Variants in CNIH3 observed in about 807,000 individuals in gnomAD.
The protein encoded by CNIH3 is cornichon family AMPA receptor auxiliary protein 3.
In CNIH3, 14 loss-of-function variants were observed where a neutral mutation model predicts 24.1. The ratio of observed to expected loss-of-function variants is 0.58; its 90% CI spans 0.38 to 0.91. The LOEUF (loss-of-function observed/expected upper bound fraction) is 0.91, where lower values mean the gene tolerates loss of function less well. CNIH3 is among the 40% of genes least tolerant of loss of function. The pLI is 0.00. For synonymous variants in CNIH3, 68 were observed against 73.8 expected (o/e 0.92, Z 0.40); for missense variants, 178 against 196.8 (o/e 0.90, Z 0.57).
chr1:224,690,438 T>C (rs1686875441), intron 3 of CNIH3, among the ~76,000 whole-genome samples: 1 of 152,154 alleles, frequency 6.6e-6, no homozygotes, highest in Non-Finnish European at 1.5e-5. Context: ...TGACCTCAGG[T>C]GATCCAGTCT....
At chr1:224,635,301 T>C (rs1684035774) in intron 1 of CNIH3, among the ~76,000 whole-genome samples, 1 of 152,020 alleles carries the variant, frequency 6.6e-6, no homozygotes, top group African/African-American at 2.4e-5. Context: ...CCACGACACT[T>C]GGGGATTACT....
downstream of CNIH3, among the ~76,000 whole-genome samples, chr1:224,539,559 C>T (rs1679431865): frequency 6.6e-6 from 1 of 152,196 alleles, no homozygotes; most frequent in South Asian, 2.1e-4. Flanking sequence ...ATACGTGGTT[C>T]AGTTCCAGGC....
intron 2 of CNIH3, among the ~76,000 whole-genome samples, chr1:224,681,458 C>T (rs145379498): frequency 1.1e-4 from 16 of 152,276 alleles, no homozygotes; most frequent in East Asian, 3.9e-4. Context: ...AAGTCCCTGG[C>T]GCCATCCATC....
chr1:224,613,319 A>T (rs1682787495), upstream of CNIH3, among the ~76,000 whole-genome samples: 1 of 152,164 alleles, frequency 6.6e-6, no homozygotes, highest in African/African-American at 2.4e-5. Context: ...TTCTTTAATG[A>T]CAATTTATAC....
rs530386332 is a variant in CNIH3, at chr1:224,731,280, TA to T, written c.311+716del. Among the ~76,000 whole-genome samples the T allele has an allele frequency of 6.4e-3, 950 of 147,700 alleles. 3 individuals carry two copies. The highest frequency in any genetic ancestry group is 0.029 in the South Asian group (135 of 4,648). On this transcript the variant is annotated intron_variant, in intron 4 of 5. Coordinates refer to ENST00000272133, the MANE Select transcript of CNIH3 (RefSeq NM_152495.2). Reference sequence around the variant, plus strand: ...TTATGGTATGTAAATTATATCTTAATAAAAAAAAAAGCACCTACCAGATGGG... The same window carrying T: ...TTATGGTATGTAAATTATATCTTAATAAAAAAAAAGCACCTACCAGATGGG...
At chr1:224,570,114 AT>A (rs1233369850) in intron 4 of CNIH3, among the ~76,000 whole-genome samples, 2 of 152,132 alleles carry the variant, frequency 1.3e-5, no homozygotes, top group Admixed American at 1.3e-4. Flanking sequence ...ATGGATACTT[AT>A]GTTTCTTCTA....
intron 3 of CNIH3, among the ~76,000 whole-genome samples, chr1:224,721,227 G>A (rs1246250434): frequency 6.6e-6 from 1 of 152,138 alleles, no homozygotes; most frequent in African/African-American, 2.4e-5. Flanking sequence ...TTTGCTGAAT[G>A]AGTGTGAAAA....
intron 3 of CNIH3, among the ~76,000 whole-genome samples, chr1:224,556,000 C>G (rs112718924): frequency 6.6e-6 from 1 of 152,090 alleles, no homozygotes; most frequent in Admixed American, 6.6e-5. Context: ...TTTTTACAGG[C>G]GGAGCTGAGT....
intron 1 of CNIH3, among the ~76,000 whole-genome samples, chr1:224,657,611 A>G (rs963887275): frequency 6.6e-6 from 1 of 152,210 alleles, no homozygotes; most frequent in East Asian, 1.9e-4. Flanking sequence ...CAGTCCATGC[A>G]ATTAGTCCTG....
intron 3 of CNIH3, among the ~76,000 whole-genome samples, chr1:224,607,663 AGTAAGTGG>A (rs1682490571): frequency 6.6e-6 from 1 of 152,190 alleles, no homozygotes; most frequent in Non-Finnish European, 1.5e-5. Flanking sequence ...TACCTGTAAA[AGTAAGTGG>A]TTAATTTGCA....
intron 3 of CNIH3, among the ~76,000 whole-genome samples, chr1:224,709,966 G>C (rs1254278571): frequency 6.6e-6 from 1 of 152,142 alleles, no homozygotes; most frequent in Admixed American, 6.5e-5. Flanking sequence ...ATTAGGCATA[G>C]TAAGAGATTA....
At chr1:224,544,576 G>A (rs1572448056) in intron 2 of CNIH3, among the ~76,000 whole-genome samples, 3 of 152,104 alleles carry the variant, frequency 2.0e-5, no homozygotes, top group African/African-American at 4.8e-5. Flanking sequence ...AAAGAGGAAG[G>A]CAAAATGACT....
At chr1:224,675,010 C>G (rs985052283) in intron 1 of CNIH3, among the ~76,000 whole-genome samples, 1 of 152,150 alleles carries the variant, frequency 6.6e-6, no homozygotes, top group Non-Finnish European at 1.5e-5. Context: ...ATCTGGCTTT[C>G]AAGGACCTCA....
At chr1:224,434,985 A>G (rs1572230810) in intron 1 of CNIH3, 2 of 985,318 alleles carry the variant, frequency 2.0e-6, no homozygotes, top group African/African-American at 1.7e-5. Flanking sequence ...CCCGACTCCT[A>G]TCCGATCCTA....
chr1:224,504,539 C>T (rs1338365261), intron 1 of CNIH3, among the ~76,000 whole-genome samples: 1 of 151,976 alleles, frequency 6.6e-6, no homozygotes, highest in Non-Finnish European at 1.5e-5. Context: ...ACCCCCTCCC[C>T]TCCCCTCTCC....
intron 2 of CNIH3, among the ~76,000 whole-genome samples, chr1:224,527,880 C>G (rs984108766): frequency 3.9e-5 from 6 of 152,076 alleles, no homozygotes; most frequent in Admixed American, 2.0e-4. Flanking sequence ...ATACATATAT[C>G]TATATCTATA....
chr1:224,584,473 A>T (rs919793190), intron 5 of CNIH3, among the ~76,000 whole-genome samples: 1 of 152,236 alleles, frequency 6.6e-6, no homozygotes, highest in African/African-American at 2.4e-5. Context: ...CAAACCCTTT[A>T]TGCCGGAGTA....
At chr1:224,525,294 A>AGAGT (rs1678802169) in intron 2 of CNIH3, among the ~76,000 whole-genome samples, 2 of 152,240 alleles carry the variant, frequency 1.3e-5, no homozygotes, top group Admixed American at 6.5e-5. Flanking sequence ...AAATGAAAGG[A>AGAGT]GAGTGGCTTT....
chr1:224,589,539 A>G (rs1294932097), downstream of CNIH3, among the ~76,000 whole-genome samples: 2 of 152,176 alleles, frequency 1.3e-5, no homozygotes, highest in Admixed American at 1.3e-4. Flanking sequence ...TGCTTTTTGC[A>G]TGAATTGTTG....
Sources: gnomAD v4.1 joint callset for allele counts (sites outside exome capture counted in the v4.1 genomes callset) on GRCh38, gnomAD v4.1.1 for gene constraint, MANE v1.5 for transcripts, NCBI Gene and HGNC (gene_info 2026-07-23, HGNC 2026-07-21) for gene names.